PDK1: variants seen among roughly 807,000 people sequenced by gnomAD.
The protein encoded by PDK1 is pyruvate dehydrogenase kinase 1, also known as [Pyruvate dehydrogenase (acetyl-transferring)] kinase isozyme 1, mitochondrial.
A neutral mutation model predicts 54.2 loss-of-function variants in PDK1; 39 were observed. The observed-to-expected ratio is 0.72, with a 90% CI of 0.56 to 0.94. The LOEUF is 0.94. PDK1 is among the 40% of genes least tolerant of loss of function. PDK1 has a pLI of 0.00. For synonymous variants in PDK1, 221 were observed against 207.1 expected (o/e 1.07, Z -0.58); for missense variants, 552 against 566.0 (o/e 0.98, Z 0.25).
the PDK1 span, among the ~76,000 whole-genome samples, chr2:172,703,550 C>T: frequency 6.6e-6 from 1 of 151,928 alleles, no homozygotes; most frequent in Non-Finnish European, 1.5e-5. Flanking sequence ...CTGACCCAAC[C>T]CGACAATAAT....
the PDK1 span, among the ~76,000 whole-genome samples, chr2:172,615,753 A>G: frequency 0.012 from 1,754 of 152,346 alleles, 33 homozygotes; most frequent in African/African-American, 0.039. Flanking sequence ...CAAAAGAATC[A>G]GTTATTGGTC....
the PDK1 span, among the ~76,000 whole-genome samples, chr2:172,614,756 T>G: frequency 6.6e-6 from 1 of 152,186 alleles, no homozygotes; most frequent in Non-Finnish European, 1.5e-5. Flanking sequence ...CTTCCCTGGA[T>G]GGAGGACAAG....
chr2:172,566,295 C>T (rs531288166), intron 5 of PDK1, among the ~76,000 whole-genome samples: 140 of 152,260 alleles, frequency 9.2e-4, no homozygotes, highest in Non-Finnish European at 1.1e-3. Flanking sequence ...TGGCTCATGC[C>T]TATAATCCCA....
At chr2:172,571,254 GAC>G (rs1295175391) in intron 8 of PDK1, among the ~76,000 whole-genome samples, 1 of 152,178 alleles carries the variant, frequency 6.6e-6, no homozygotes, top group Non-Finnish European at 1.5e-5. Flanking sequence ...TGGAGACTAA[GAC>G]ACAGTGATTA....
chr2:172,693,095 C>A, the PDK1 span, among the ~76,000 whole-genome samples: 5 of 152,256 alleles, frequency 3.3e-5, no homozygotes, highest in Non-Finnish European at 7.3e-5. Context: ...GACCAGCTCA[C>A]CCCACAGTGA....
At chr2:172,652,053 G>A in the PDK1 span, among the ~76,000 whole-genome samples, 8 of 152,098 alleles carry the variant, frequency 5.3e-5, no homozygotes, top group Non-Finnish European at 1.0e-4. Flanking sequence ...GATGAACATC[G>A]ATGCAAAAAT....
chr2:172,573,659 C>T (rs1689418732), intron 8 of PDK1, among the ~76,000 whole-genome samples: 1 of 137,916 alleles, frequency 7.3e-6, no homozygotes, highest in East Asian at 2.1e-4. Flanking sequence ...TACACTCTCT[C>T]TAGATATATA....
At chr2:172,693,544 T>C in the PDK1 span, among the ~76,000 whole-genome samples, 1 of 152,236 alleles carries the variant, frequency 6.6e-6, no homozygotes, top group African/African-American at 2.4e-5. Context: ...TACCTGATGC[T>C]ATATGAGTGT....
the PDK1 span, among the ~76,000 whole-genome samples, chr2:172,715,899 TA>T: frequency 5.9e-5 from 9 of 152,272 alleles, no homozygotes; most frequent in East Asian, 5.8e-4. Flanking sequence ...AGAAATGAAA[TA>T]AATAAAACTA....
At chr2:172,647,401 G>A in the PDK1 span, among the ~76,000 whole-genome samples, 1 of 152,174 alleles carries the variant, frequency 6.6e-6, no homozygotes, top group African/African-American at 2.4e-5. Flanking sequence ...GCTGAAAAGA[G>A]AGAAGCTGTA....
the PDK1 span, among the ~76,000 whole-genome samples, chr2:172,681,333 C>CTTTAT: frequency 0.34 from 52,123 of 151,708 alleles, 10,515 homozygotes; most frequent in East Asian, 0.78. Flanking sequence ...CATTATGGAG[C>CTTTAT]TTTATTATTT....
chr2:172,630,663 TC>T, the PDK1 span, among the ~76,000 whole-genome samples: 1 of 151,782 alleles, frequency 6.6e-6, no homozygotes, highest in Non-Finnish European at 1.5e-5. Flanking sequence ...AGGGCCTCAT[TC>T]TGTCTTTCAG....
intron 9 of PDK1, among the ~76,000 whole-genome samples, chr2:172,591,796 A>G (rs372251638): frequency 3.9e-5 from 6 of 152,216 alleles, no homozygotes; most frequent in Non-Finnish European, 8.8e-5. Flanking sequence ...ATTCCTTGCT[A>G]TTAATAAGAC....
At chr2:172,609,227 T>G (rs775583459), downstream of PDK1, among the ~76,000 whole-genome samples, 1 of 152,116 alleles carries the variant, frequency 6.6e-6, no homozygotes, top group Non-Finnish European at 1.5e-5. Flanking sequence ...CAGAAAATGA[T>G]TGTTAAGTGG....
At chr2:172,573,085 G>T (rs1007947262) in intron 8 of PDK1, among the ~76,000 whole-genome samples, 1 of 152,116 alleles carries the variant, frequency 6.6e-6, no homozygotes, top group South Asian at 2.1e-4. Flanking sequence ...GTGTGAACAT[G>T]TGTTTCAGTT....
chr2:172,647,082 A>C, the PDK1 span, among the ~76,000 whole-genome samples: 1 of 152,102 alleles, frequency 6.6e-6, no homozygotes. Flanking sequence ...CATGGATCAC[A>C]CTTTGAGTAG....
chr2:172,669,117 T>A, the PDK1 span, among the ~76,000 whole-genome samples: 2 of 134,552 alleles, frequency 1.5e-5, no homozygotes, highest in African/African-American at 5.6e-5. Context: ...TGGAGTGCAG[T>A]GGCGCAATCT....
At chr2:172,693,310 A>G in the PDK1 span, among the ~76,000 whole-genome samples, 2 of 152,238 alleles carry the variant, frequency 1.3e-5, no homozygotes, top group Admixed American at 1.3e-4. Context: ...TCCGTGCAGA[A>G]AAGTCCACAG....
chr2:172,590,599 T>C (rs1431990546), intron 9 of PDK1, among the ~76,000 whole-genome samples: 1 of 152,184 alleles, frequency 6.6e-6, no homozygotes, highest in African/African-American at 2.4e-5. Context: ...TGGTGAGTGT[T>C]ACGGCTCATA....
Sources: allele counts gnomAD v4.1 joint callset (sites outside exome capture counted in the v4.1 genomes callset), GRCh38; gene constraint gnomAD v4.1.1; transcripts MANE v1.5; gene names NCBI Gene and HGNC (gene_info 2026-07-23, HGNC 2026-07-21).